Variants in SLC25A13 observed in about 807,000 individuals in gnomAD.
SLC25A13 encodes solute carrier family 25 member 13, also known as electrogenic aspartate/glutamate antiporter SLC25A13, mitochondrial.
In SLC25A13, 70 loss-of-function variants were observed where a neutral mutation model predicts 85.5. That is an observed-to-expected ratio of 0.82 (90% CI 0.68 to 1.00). SLC25A13 has a LOEUF of 1.00. SLC25A13 is among the 50% of genes least tolerant of loss of function. The probability of loss-of-function intolerance (pLI) is 0.00; values close to 1 mark genes in which losing one functional copy is unlikely to be tolerated. For missense variants in SLC25A13, 765 were observed against 819.8 expected (o/e 0.93, Z 0.82); for synonymous variants, 259 against 288.7 (o/e 0.90, Z 1.04).
chr7:96,241,074 GAAAGAAAGAAAGAAA>G (rs1402905827), intron 3 of SLC25A13, among the ~76,000 whole-genome samples: 1 of 146,058 alleles, frequency 6.8e-6, no homozygotes, highest in African/African-American at 2.5e-5. Context: ...AAGAAAGAAA[GAAAGAAAGAAAGAAA>G]GAAAGAAAGA....
chr7:96,120,244 A>T lies in SLC25A13; in HGVS notation c.*947T>A, dbSNP rs1416487474. On this transcript the variant is annotated 3_prime_UTR_variant, in exon 18 of 18. Coordinates refer to ENST00000265631, the MANE Select transcript of SLC25A13 (RefSeq NM_014251.3). ...ATCACTTTACAAATAGTTTATTTCC[A>T]CCTTCACAAATTCATGCGCCTCTGA... The T allele has an allele frequency of 6.6e-6, 3 of 451,354 alleles. No individual in the cohort carries two copies. In the East Asian group the frequency reaches 2.1e-4, roughly 31 times the overall value. The allele number at this position is 451,354 out of a possible 1,614,324, so 28.0% of individuals were successfully genotyped here.
At chr7:96,228,167 A>T (rs559893828) in intron 4 of SLC25A13, among the ~76,000 whole-genome samples, 2 of 152,150 alleles carry the variant, frequency 1.3e-5, no homozygotes, top group African/African-American at 4.8e-5. Flanking sequence ...CCTGGCCTAG[A>T]TTTTTTAAAC....
At position 96,182,012 on chromosome 7, in the gene SLC25A13, A is replaced by G. The variant is rs1039961147; in HGVS notation, c.1177+2265T>C. On this transcript the variant is annotated intron_variant, in intron 11 of 17. Transcript: ENST00000265631. The stretch of plus-strand genomic sequence containing the variant: ...AATATGTCAGGTCTTTTTTACTTAT[A>G]TTGTAATTTTTTAAATTAACAACAA... Among the ~76,000 whole-genome samples the G allele has an allele frequency of 4.6e-5, 7 of 152,290 alleles. 1 individual carries two copies. The South Asian group carries it at 1.4e-3, about 32-fold the overall frequency.
rs1182957817 is a variant in SLC25A13 at position 96,209,018 on chromosome 7, G to T, written c.329-41C>A. 3 of 1,605,058 alleles carry T rather than the reference G, an allele frequency of 1.9e-6. No homozygotes were observed. In the South Asian group the frequency reaches 3.3e-5, roughly 18 times the overall value. On this transcript the variant is annotated intron_variant, in intron 4 of 17. Coordinates refer to ENST00000265631, the MANE Select transcript of SLC25A13 (RefSeq NM_014251.3). ...ACAGGTTGATTAAAACAAAGTAAAT[G>T]AAGTTCTTTCTGATAAAATCTGTTA...
Position 96,192,914 on chromosome 7 carries a change from G to C in SLC25A13, c.615+123C>G, listed in dbSNP as rs1050985503. ...TCTTTGTTTGAGTTTAGTAATGTATGTGATCACATTAAAATGTTAGTGTTT... is the reference window on the plus strand; with the variant it reads ...TCTTTGTTTGAGTTTAGTAATGTATCTGATCACATTAAAATGTTAGTGTTT... On this transcript the variant is annotated intron_variant, in intron 6 of 17. Coordinates refer to ENST00000265631, the MANE Select transcript of SLC25A13 (RefSeq NM_014251.3). 3 of 1,079,582 alleles carry C rather than the reference G, an allele frequency of 2.8e-6. No individual in the cohort carries two copies. In the East Asian group the frequency reaches 7.6e-5, roughly 27 times the overall value. The allele number at this position is 1,079,582 out of a possible 1,614,324, so 66.9% of individuals were successfully genotyped here.
At chr7:96,220,185 T>C (rs575303088) in intron 4 of SLC25A13, among the ~76,000 whole-genome samples, 1 of 152,182 alleles carries the variant, frequency 6.6e-6, no homozygotes, top group Non-Finnish European at 1.5e-5. Flanking sequence ...GAGTCCTAAT[T>C]CACTCTCTAA....
chr7:96,126,190 G>A (rs534487939), intron 15 of SLC25A13, among the ~76,000 whole-genome samples: 1 of 152,306 alleles, frequency 6.6e-6, no homozygotes, highest in East Asian at 1.9e-4. Context: ...TTGTGTAACT[G>A]GGTGCAAGGG....
intron 13 of SLC25A13, among the ~76,000 whole-genome samples, chr7:96,157,381 G>A (rs368805042): frequency 1.4e-3 from 217 of 152,238 alleles, no homozygotes; most frequent in Admixed American, 3.1e-3. Flanking sequence ...GCTTCTATAA[G>A]CTTGATTTCT....
At chr7:96,311,774 G>C (rs1799960776) in intron 1 of SLC25A13, among the ~76,000 whole-genome samples, 1 of 151,992 alleles carries the variant, frequency 6.6e-6, no homozygotes, top group African/African-American at 2.4e-5. Context: ...CACCAATACA[G>C]AGAAATGAAA....
At chr7:96,202,145 A>G (rs1363341968) in intron 5 of SLC25A13, among the ~76,000 whole-genome samples, 3 of 152,218 alleles carry the variant, frequency 2.0e-5, no homozygotes, top group African/African-American at 7.2e-5. Context: ...GTTCAGTTGC[A>G]TTACTAGCAT....
chr7:96,173,059 C>T (rs1488365713), intron 11 of SLC25A13, among the ~76,000 whole-genome samples: 1 of 152,186 alleles, frequency 6.6e-6, no homozygotes, highest in East Asian at 1.9e-4. Flanking sequence ...CGCCCGGCCT[C>T]CAGTTTCTAT....
chr7:96,283,039 T>C (rs1020068641), intron 2 of SLC25A13, among the ~76,000 whole-genome samples: 13 of 152,202 alleles, frequency 8.5e-5, no homozygotes, highest in Admixed American at 2.0e-4. Context: ...ATAACCTTCA[T>C]GAGAGGCAGT....
chr7:96,242,315 T>C (rs1457320951), intron 3 of SLC25A13, among the ~76,000 whole-genome samples: 1 of 152,234 alleles, frequency 6.6e-6, no homozygotes, highest in Non-Finnish European at 1.5e-5. Flanking sequence ...TCCAAAGCTT[T>C]GGTCTCCATG....
intron 14 of SLC25A13, among the ~76,000 whole-genome samples, chr7:96,140,142 T>C (rs1180904336): frequency 6.7e-6 from 1 of 150,032 alleles, no homozygotes; most frequent in Non-Finnish European, 1.5e-5. Flanking sequence ...GTAGTTTTAG[T>C]AGAGACGGGG....
At chr7:96,194,442 C>CAAAAAAAAAAAAAAAAA (rs546248549) in intron 5 of SLC25A13, among the ~76,000 whole-genome samples, 6 of 27,692 alleles carry the variant, frequency 2.2e-4, no homozygotes, top group Non-Finnish European at 2.7e-4. Context: ...AACCTTGTCT[C>CAAAAAAAAAAAAAAAAA]AAAAAAAAAA....
At chr7:96,264,961 AAT>A (rs1797994079) in intron 3 of SLC25A13, among the ~76,000 whole-genome samples, 1 of 152,234 alleles carries the variant, frequency 6.6e-6, no homozygotes. Context: ...AATCTGCTGT[AAT>A]ATGTTGTTTT....
rs1471347786 is a variant in SLC25A13, at chr7:96,280,512, TC to T, written c.70-3175del. Reference sequence around the variant, plus strand: ...GGGCAGATCGCTTGAGCCCAGGAGTTCAAGACCAGCCTGGGCAAGATGGCGG... The same window carrying T: ...GGGCAGATCGCTTGAGCCCAGGAGTTAAGACCAGCCTGGGCAAGATGGCGG... On this transcript the variant is annotated intron_variant, in intron 2 of 17. Transcript: ENST00000265631. Among the ~76,000 whole-genome samples the T allele has an allele frequency of 4.6e-5, 7 of 151,958 alleles. No homozygotes were observed. In the East Asian group the frequency reaches 1.4e-3, roughly 29 times the overall value.
At chr7:96,234,494 T>C (rs1796670664) in intron 4 of SLC25A13, among the ~76,000 whole-genome samples, 1 of 151,874 alleles carries the variant, frequency 6.6e-6, no homozygotes, top group African/African-American at 2.4e-5. Flanking sequence ...CTACTGATGA[T>C]GCAGGGAAGA....
At chr7:96,212,282 T>TTAGC (rs1224788391) in intron 4 of SLC25A13, among the ~76,000 whole-genome samples, 1 of 152,212 alleles carries the variant, frequency 6.6e-6, no homozygotes, top group Non-Finnish European at 1.5e-5. Context: ...ATGTCAGGGC[T>TTAGC]TAGCTAGCTA....
Sources: gnomAD v4.1 joint callset for allele counts (sites outside exome capture counted in the v4.1 genomes callset) on GRCh38, gnomAD v4.1.1 for gene constraint, MANE v1.5 for transcripts, NCBI Gene and HGNC (gene_info 2026-07-23, HGNC 2026-07-21) for gene names.